Variants in COL12A1 observed in about 807,000 individuals in gnomAD.
COL12A1 encodes collagen type XII alpha 1 chain.
Under a neutral mutation model 349.7 loss-of-function variants are expected in COL12A1, and 114 were observed. The observed-to-expected ratio is 0.33, with a 90% CI of 0.28 to 0.38. The LOEUF is 0.38. COL12A1 is among the 10% of genes least tolerant of loss of function. The pLI, the probability that COL12A1 is intolerant of heterozygous loss-of-function variation, is 1.00. For synonymous variants in COL12A1, 1,369 were observed against 1,329.0 expected (o/e 1.03, Z -0.66); for missense variants, 3,284 against 3,756.9 (o/e 0.87, Z 3.29).
Position 75,113,728 on chromosome 6 carries a change from C to T in COL12A1, c.7714G>A (p.Gly2572Arg). The change falls in exon 50 of 66, where the codon GGA becomes AGA. Residue 2572 changes from glycine to arginine, a missense_variant. Physicochemically the swap from Gly to Arg is moderately radical, Grantham distance 125 (BLOSUM62 -2). This residue lies in a region of COL12A1 where 683 missense variants were observed against 932.1 expected (regional missense o/e 0.73). Transcript: ENST00000322507. Reference sequence around the variant, plus strand: ...ATAATCGTGTATGAAGGAGGGAGTCCATTTGGGTGTAGGTCTCTGTTGGAT... The same window carrying T: ...ATAATCGTGTATGAAGGAGGGAGTCTATTTGGGTGTAGGTCTCTGTTGGAT... ...NQPTADLHPN[G>R]LPPSYTIILL... 1.3e-6 allele frequency: 2 copies of T among 1,589,076 alleles called. No homozygotes were observed. The highest frequency in any genetic ancestry group is 1.7e-6 in the Non-Finnish European group (2 of 1,164,350).
chr6:75,168,108 A>G (rs375900601), intron 13 of COL12A1, among the ~76,000 whole-genome samples: 61 of 152,312 alleles, frequency 4.0e-4, no homozygotes, highest in African/African-American at 1.4e-3. Context: ...GGAGAAAGAT[A>G]GTTCAATCGA....
chr6:75,136,297 T>G (rs185542023), intron 31 of COL12A1, among the ~76,000 whole-genome samples: 1 of 152,330 alleles, frequency 6.6e-6, no homozygotes, highest in East Asian at 1.9e-4. Context: ...ACAGTTGATA[T>G]TAAGTTTATT....
rs769036689 is a variant in COL12A1, at chr6:75,181,228, A to AG, written c.1892-18_1892-17insC. ...GGACGTAAGCTATTTAAAAAAAAAA[A>AG]AAGACAGTTAAAAATGCTTGAATCT... On this transcript the variant is annotated splice_polypyrimidine_tract_variant and intron_variant, in intron 10 of 65. Coordinates refer to ENST00000322507, the MANE Select transcript of COL12A1 (RefSeq NM_004370.6). The AG allele has an allele frequency of 6.3e-7, 1 of 1,575,114 alleles. No homozygotes were observed. The highest frequency in any genetic ancestry group is 2.0e-5 in the Admixed American group (1 of 50,492).
At chr6:75,120,088 A>G (rs1201652268) in intron 44 of COL12A1, among the ~76,000 whole-genome samples, 2 of 152,188 alleles carry the variant, frequency 1.3e-5, no homozygotes, top group Non-Finnish European at 2.9e-5. Context: ...ATTGTTTTAA[A>G]GACTAATAAT....
chr6:75,145,396 C>T lies in COL12A1; in HGVS notation c.4620G>A (p.Glu1540=), dbSNP rs367865394. The change falls in exon 25 of 66, where the codon GAG becomes GAA. Residue 1540 remains glutamate (E), a synonymous_variant. Transcript: ENST00000322507. ...MQLTDLVPNT[E]YAVTVQAVLH... is the part of the protein sequence containing the mutation. The stretch of plus-strand genomic sequence containing the variant: ...GGACAGCCTGGACTGTGACTGCATA[C>T]TCCGTGTTGGGAACAAGGTCAGTCA... 2 of 1,613,914 alleles carry T rather than the reference C, an allele frequency of 1.2e-6. No individual in the cohort carries two copies.
At chr6:75,179,919 G>A (rs953988035) in intron 11 of COL12A1, among the ~76,000 whole-genome samples, 1 of 152,170 alleles carries the variant, frequency 6.6e-6, no homozygotes, top group Middle Eastern at 3.2e-3. Flanking sequence ...TAAAACATTT[G>A]GCAAAATGTG....
At chr6:75,191,529 T>G (rs1168095469) in intron 5 of COL12A1, among the ~76,000 whole-genome samples, 172 bp downstream of exon 5, 1 of 152,028 alleles carries the variant, frequency 6.6e-6, no homozygotes, top group Non-Finnish European at 1.5e-5. Context: ...GAACTTAGGT[T>G]ATAATGACTT....
Position 75,130,771 on chromosome 6 carries a change from C to G in COL12A1, c.6067+81G>C, listed in dbSNP as rs538633730. The G allele has an allele frequency of 3.3e-5, 52 of 1,560,382 alleles. No homozygotes were observed. In the East Asian group the frequency reaches 1.1e-3, roughly 32 times the overall value. ...GAAAGCACCCATCTCTCACCACCCC[C>G]CTCCCACCACTCATTCAATCAGAGA... is the stretch of plus-strand genomic sequence containing the variant. On this transcript the variant is annotated intron_variant, in intron 36 of 65. Coordinates refer to ENST00000322507, the MANE Select transcript of COL12A1 (RefSeq NM_004370.6).
Position 75,183,129 on chromosome 6 carries a change from A to G in COL12A1, c.1812T>C (p.Ala604=). The G allele has an allele frequency of 6.2e-7, 1 of 1,614,180 alleles. No individual in the cohort carries two copies. The highest frequency in any genetic ancestry group is 2.2e-5 in the East Asian group (1 of 44,876). ...THVFTVEDFD[A]FQRISFELTQ... is the part of the protein sequence containing the mutation. ...TGAGTTCAAAAGATATCCTCTGAAA[A>G]GCATCAAAATCTTCCACTGTGAACA... The change falls in exon 10 of 66, where the codon GCT becomes GCC. Residue 604 remains alanine, a synonymous_variant. Coordinates refer to ENST00000322507, the MANE Select transcript of COL12A1 (RefSeq NM_004370.6).
intron 46 of COL12A1, 103 bp from the exon 47 acceptor site, chr6:75,117,649 T>A: frequency 8.0e-7 from 1 of 1,251,140 alleles, no homozygotes; most frequent in Non-Finnish European, 1.1e-6. Flanking sequence ...TGTATTTTCT[T>A]AATGTATGCA....
intron 3 of COL12A1, among the ~76,000 whole-genome samples, chr6:75,192,676 C>T (rs1770003158): frequency 6.6e-6 from 1 of 151,956 alleles, no homozygotes; most frequent in African/African-American, 2.4e-5. Context: ...TGGTAGATAA[C>T]AGTTTTATAA....
chr6:75,156,411 A>T lies in COL12A1; in HGVS notation c.3096T>A (p.Pro1032=), dbSNP rs1197908555. 6.2e-7 allele frequency: 1 copy of T among 1,614,002 alleles called. No individual in the cohort carries two copies. The highest frequency in any genetic ancestry group is 1.1e-5 in the South Asian group (1 of 91,082). ...CAACCATTTGCTTCCCTCTCCCATG[A>T]GGGCGATAGACAACACGGTAGTTGA... ...KVVNYRVVYR[P]HGRGKQMVAK... The change falls in exon 15 of 66, where the codon CCT becomes CCA. Residue 1032 remains proline (P), a synonymous_variant. Coordinates refer to ENST00000322507, the MANE Select transcript of COL12A1 (RefSeq NM_004370.6).
intron 59 of COL12A1, among the ~76,000 whole-genome samples, chr6:75,095,893 T>C (rs1487133818): frequency 3.9e-5 from 6 of 152,174 alleles, no homozygotes; most frequent in African/African-American, 1.4e-4. Flanking sequence ...GTTGAAAATT[T>C]AGGCTGGAGA....
At chr6:75,148,607 C>T (rs1261609560) in intron 21 of COL12A1, 110 bp from the exon 22 acceptor site, 1 of 881,722 alleles carries the variant, frequency 1.1e-6, no homozygotes, top group Non-Finnish European at 1.7e-6. Flanking sequence ...CTTTCACACA[C>T]TTCTTTTCAC....
At chr6:75,129,745 A>G (rs1766209542) in intron 37 of COL12A1, among the ~76,000 whole-genome samples, 1 of 152,272 alleles carries the variant, frequency 6.6e-6, no homozygotes, top group African/African-American at 2.4e-5. Context: ...CATTATTTGA[A>G]TATTAACTTA....
chr6:75,140,264 A>G (rs1176304946), intron 27 of COL12A1, among the ~76,000 whole-genome samples: 1 of 152,208 alleles, frequency 6.6e-6, no homozygotes, highest in African/African-American at 2.4e-5. Flanking sequence ...TTACAAGGTA[A>G]GAACTTAAGC....
At chr6:75,198,284 A>C (rs1770335143) in intron 2 of COL12A1, among the ~76,000 whole-genome samples, 1 of 152,130 alleles carries the variant, frequency 6.6e-6, no homozygotes, top group Non-Finnish European at 1.5e-5. Context: ...GAGCAGTAGG[A>C]TATAAATCAC....
In COL12A1 at chr6:75,138,629, T is replaced by C. The variant is rs758033934; in HGVS notation, c.5098-49A>G. ...TACCCACGCAAAAGTAAGTCTCCAC[T>C]TACATCATACACACTCAATGGCAGT... On this transcript the variant is annotated intron_variant, in intron 28 of 65. Transcript: ENST00000322507. 6.8e-6 allele frequency: 11 copies of C among 1,605,966 alleles called. No homozygotes were observed. In the South Asian group the frequency reaches 1.2e-4, roughly 18 times the overall value.
Position 75,175,158 on chromosome 6 carries a change from C to T in COL12A1, c.2590G>A (p.Asp864Asn). 1.2e-6 allele frequency: 2 copies of T among 1,614,172 alleles called. No homozygotes were observed. Among genetic ancestry groups the T allele is most frequent in the Non-Finnish European group, 1.7e-6 (2 of 1,180,026 alleles). ...CCCTGCAGCACCGTATTGGTTGTAT[C>T]TCCCCTCACAGTGACCTCTTGAGTT... ...GETQEVTVRGDTTNTVLQGLK... is the reference protein window; with the variant it reads ...GETQEVTVRGNTTNTVLQGLK... The change falls in exon 13 of 66, where the codon GAT becomes AAT. Residue 864 changes from aspartate to asparagine, a missense_variant. Asp to Asn is a conservative substitution (Grantham distance 23). Around this residue, in one of 2 missense-constraint regions of COL12A1, gnomAD observed 2,601 missense variants for 2,824.8 expected, o/e 0.92. Transcript: ENST00000322507.
Sources: gnomAD v4.1 joint callset for allele counts (sites outside exome capture counted in the v4.1 genomes callset) on GRCh38, gnomAD v4.1.1 for gene constraint, gnomAD v4.1.1 regional missense constraint, MANE v1.5 for transcripts, NCBI Gene and HGNC (gene_info 2026-07-23, HGNC 2026-07-21) for gene names.